Variants in NUP153 observed in about 807,000 individuals in gnomAD.
The protein encoded by NUP153 is nuclear pore complex protein Nup153.
A neutral mutation model predicts 134.6 loss-of-function variants in NUP153; 27 were observed. That is an observed-to-expected ratio of 0.20 (90% CI 0.15 to 0.28). NUP153 has a LOEUF of 0.28. Among genes scored for constraint, NUP153 ranks in the 10% least tolerant of loss-of-function variants. NUP153 has a pLI of 1.00. For missense variants in NUP153, 1,821 were observed against 1,731.3 expected (o/e 1.05, Z -0.92); for synonymous variants, 640 against 623.5 (o/e 1.03, Z -0.40).
At chr6:17,630,742 A>C in intron 17 of NUP153, among the ~76,000 whole-genome samples, 2 of 92,108 alleles carry the variant, frequency 2.2e-5, no homozygotes, top group Admixed American at 1.4e-4. Flanking sequence ...GGGAGAGGGG[A>C]GGGGAGAAGG....
At chr6:17,622,915 G>A (rs1270167440) in intron 20 of NUP153, among the ~76,000 whole-genome samples, 1 of 152,110 alleles carries the variant, frequency 6.6e-6, no homozygotes, top group East Asian at 1.9e-4. Context: ...TGGATCATGA[G>A]GTCAGGAGAT....
rs1258266272 is a variant in NUP153, at chr6:17,616,819, G to A, written c.4175-124C>T. 12 of 847,300 alleles carry A rather than the reference G, an allele frequency of 1.4e-5. No individual in the cohort carries two copies. In the South Asian group the frequency reaches 1.5e-4, roughly 11 times the overall value. 52.5% of individuals were successfully genotyped at this position (847,300 alleles called of 1,614,324 possible). Reference sequence around the variant, plus strand: ...GGCTGGAGTACAGTGGCACAATCTTGGCTCACTGCAACCCTTGCCTCCTGG... The same window carrying A: ...GGCTGGAGTACAGTGGCACAATCTTAGCTCACTGCAACCCTTGCCTCCTGG... On this transcript the variant is annotated intron_variant, in intron 20 of 21. Coordinates refer to ENST00000262077, the MANE Select transcript of NUP153 (RefSeq NM_005124.4).
At chr6:17,689,827 T>C (rs1035918241) in intron 1 of NUP153, among the ~76,000 whole-genome samples, 3 of 152,048 alleles carry the variant, frequency 2.0e-5, no homozygotes, top group Admixed American at 6.6e-5. Context: ...GCCCAGCTAT[T>C]ATGGTAACTT....
intron 2 of NUP153, among the ~76,000 whole-genome samples, chr6:17,682,161 T>C (rs1561901022): frequency 6.6e-6 from 1 of 152,102 alleles, no homozygotes; most frequent in African/African-American, 2.4e-5. Context: ...TCCCAGTGCA[T>C]ACAAAAGTTA....
At chr6:17,649,900 C>T (rs1766416779) in intron 11 of NUP153, among the ~76,000 whole-genome samples, 1 of 152,130 alleles carries the variant, frequency 6.6e-6, no homozygotes, top group South Asian at 2.1e-4. Flanking sequence ...TGGAACATAT[C>T]CCTTGCAGAT....
At position 17,629,032 on chromosome 6, in the gene NUP153, T is replaced by C. The variant is rs200536140; in HGVS notation, c.3167A>G (p.Lys1056Arg). 108 of 1,614,078 alleles carry C rather than the reference T, an allele frequency of 6.7e-5. No individual in the cohort carries two copies. Among genetic ancestry groups the C allele is most frequent in the Non-Finnish European group, 8.8e-5 (104 of 1,180,046 alleles). The change falls in exon 18 of 22, where the codon AAG becomes AGG. Residue 1056 changes from lysine to arginine, a missense_variant. Transcript: ENST00000262077. ...TGTGAAAGGAGCCACTGAAGCACTC[T>C]TGGTTTCTATGGTTCCAAGGTTGAA... ...SSFNLGTIET[K>R]SASVAPFTCK...
intron 20 of NUP153, among the ~76,000 whole-genome samples, chr6:17,619,797 T>C (rs957425754): frequency 6.6e-6 from 1 of 152,034 alleles, no homozygotes; most frequent in African/African-American, 2.4e-5. Flanking sequence ...ACATTCTCCA[T>C]AGAAATAGAA....
chr6:17,703,113 G>C (rs1231909896), intron 1 of NUP153, among the ~76,000 whole-genome samples: 1 of 147,848 alleles, frequency 6.8e-6, no homozygotes, highest in Non-Finnish European at 1.5e-5. Flanking sequence ...CAAGAGAATG[G>C]AATGAACCCA....
chr6:17,628,849 A>G lies in NUP153; in HGVS notation c.3350T>C (p.Val1117Ala). 6.2e-7 allele frequency: 1 copy of G among 1,614,146 alleles called. No homozygotes were observed. ...TTCATTGTCAGCTTTCTTCCCAAAA[A>G]CTAGGGAAGTAGAAGTGACAGGCTC... ...QQEPVTSTSL[V>A]FGKKADNEEP... is the part of the protein sequence containing the mutation. The change falls in exon 18 of 22, where the codon GTT becomes GCT. Residue 1117 changes from valine (V) to alanine (A), a missense_variant. Val to Ala is a moderately conservative substitution (Grantham distance 64). Transcript: ENST00000262077. This position sits in a 1 kb window ranked among gnomAD's most constrained non-coding sequence, Gnocchi z 5.4.
In NUP153 at chr6:17,624,399, G is replaced by A. The variant is rs145739236; in HGVS notation, c.4174+162C>T. Among the ~76,000 whole-genome samples, 65 of 152,212 alleles carry A rather than the reference G, an allele frequency of 4.3e-4. 1 individual carries two copies. The highest frequency in any genetic ancestry group is 3.4e-3 in the Middle Eastern group (1 of 294). ...AAAGTTACAAGTCTGTGAAACCTGC[G>A]AATGTTGTTTATATATAAATCCAAC... is the stretch of plus-strand genomic sequence containing the variant. On this transcript the variant is annotated intron_variant, in intron 20 of 21. Coordinates refer to ENST00000262077, the MANE Select transcript of NUP153 (RefSeq NM_005124.4).
At chr6:17,653,373 C>T (rs559122168) in intron 11 of NUP153, among the ~76,000 whole-genome samples, 1 of 152,206 alleles carries the variant, frequency 6.6e-6, no homozygotes, top group African/African-American at 2.4e-5. Context: ...CAATGAGATA[C>T]CACCACACAC....
At position 17,641,715 on chromosome 6, in the gene NUP153, C is replaced by T. The variant is rs761098732; in HGVS notation, c.1721-1651G>A. Among the ~76,000 whole-genome samples the T allele has an allele frequency of 1.1e-4, 16 of 151,308 alleles. 1 individual carries two copies. Among genetic ancestry groups the T allele is most frequent in the South Asian group, 4.2e-4 (2 of 4,798 alleles). On this transcript the variant is annotated intron_variant, in intron 14 of 21. Coordinates refer to ENST00000262077, the MANE Select transcript of NUP153 (RefSeq NM_005124.4). ...AAAAATACAAAACAAATTAGCCGGG[C>T]GTGGTGGCAGGCGCCTGTAGTCCCA...
chr6:17,665,185 T>A, intron 9 of NUP153, 54 bp downstream of exon 9: 1 of 1,338,642 alleles, frequency 7.5e-7, no homozygotes. Context: ...CATTATTTAG[T>A]CTTACTTATT....
chr6:17,660,804 C>T (rs530267883), intron 11 of NUP153, among the ~76,000 whole-genome samples: 2 of 152,188 alleles, frequency 1.3e-5, no homozygotes, highest in African/African-American at 4.8e-5. Context: ...TCCAACAATT[C>T]CATTCCTAGA....
rs1768529058 is a variant in NUP153, at chr6:17,680,789, G to A, written c.335-5019C>T. ...GGCAATAATGGATGCTGGTGAGGAT[G>A]TAGAGAAAGGAGAATCCTTGTACAC... On this transcript the variant is annotated intron_variant, in intron 2 of 21. Coordinates refer to ENST00000262077, the MANE Select transcript of NUP153 (RefSeq NM_005124.4). The surrounding 1 kb of genome is among the most constrained non-coding windows in gnomAD (Gnocchi z 4.5). 6.6e-6 allele frequency among the ~76,000 whole-genome samples: 1 copy of A among 152,230 alleles called. No individual in the cohort carries two copies. The highest frequency in any genetic ancestry group is 2.1e-4 in the South Asian group (1 of 4,834).
chr6:17,620,095 CAAAAAAAAAAA>C (rs58013807), intron 20 of NUP153, among the ~76,000 whole-genome samples: 76 of 63,004 alleles, frequency 1.2e-3, no homozygotes, highest in Admixed American at 5.9e-3. Context: ...AAGACACCAT[CAAAAAAAAAAA>C]AAAAAAAAAA....
chr6:17,617,346 T>C (rs1764383859), intron 20 of NUP153, among the ~76,000 whole-genome samples: 3 of 151,738 alleles, frequency 2.0e-5, no homozygotes. Context: ...GCTGGAAGGC[T>C]GACTAGAGTT....
In NUP153 at chr6:17,646,085, G is replaced by C. The variant is rs1243089059; in HGVS notation, c.1702C>G (p.Pro568Ala). ...TACTTACCTGAACTACTTATAATTG[G>C]TTCTAAAGTACTACTAGAACCAGAA... ...ELSGSSSTLE[P>A]IISSSAHHVT... Residue 568 changes from proline to alanine, a missense_variant, in exon 14 of 22, where the codon CCA (proline) becomes GCA (alanine). Coordinates refer to ENST00000262077, the MANE Select transcript of NUP153 (RefSeq NM_005124.4). The C allele has an allele frequency of 1.9e-6, 3 of 1,570,774 alleles. No individual in the cohort carries two copies. Among genetic ancestry groups the C allele is most frequent in the Non-Finnish European group, 2.6e-6 (3 of 1,143,278 alleles).
At position 17,675,171 on chromosome 6, in the gene NUP153, T is replaced by C; in HGVS notation, c.723+58A>G. On this transcript the variant is annotated intron_variant, in intron 4 of 21. Coordinates refer to ENST00000262077, the MANE Select transcript of NUP153 (RefSeq NM_005124.4). This position sits in a 1 kb window ranked among gnomAD's most constrained non-coding sequence, Gnocchi z 4.4. Reference sequence around the variant, plus strand: ...CTTGTCTCAGAAAAAAAAAAAAAAATTATAAGCAATAAACACTCAAAACTA... The same window carrying C: ...CTTGTCTCAGAAAAAAAAAAAAAAACTATAAGCAATAAACACTCAAAACTA... The C allele has an allele frequency of 6.8e-7, 1 of 1,474,156 alleles. No individual in the cohort carries two copies. The allele number at this position is 1,474,156 out of a possible 1,614,324, so 91.3% of individuals were successfully genotyped here.
Sources: allele counts gnomAD v4.1 joint callset (sites outside exome capture counted in the v4.1 genomes callset), GRCh38; gene constraint gnomAD v4.1.1; non-coding constraint Gnocchi (gnomAD v3.1); transcripts MANE v1.5; gene names NCBI Gene and HGNC (gene_info 2026-07-23, HGNC 2026-07-21).